ADNP2: variants seen among roughly 807,000 people sequenced by gnomAD.
ADNP2 encodes activity-dependent neuroprotector homeobox protein 2.
Under a neutral mutation model 16.4 loss-of-function variants are expected in ADNP2, and 8 were observed. The observed-to-expected ratio is 0.49, with a 90% CI of 0.29 to 0.88. The LOEUF (loss-of-function observed/expected upper bound fraction) is 0.88, where lower values mean the gene tolerates loss of function less well. ADNP2 is among the 40% of genes least tolerant of loss of function. The pLI is 0.09. For synonymous variants in ADNP2, 637 were observed against 545.8 expected, an observed-to-expected ratio of 1.17 and a Z score of -2.33; for missense variants, 1,397 against 1,395.1, an observed-to-expected ratio of 1.00 and a Z score of -0.02.
At chr18:80,119,647 AAAGT>A (rs1042240029) in intron 2 of ADNP2, among the ~76,000 whole-genome samples, 46 of 152,316 alleles carry the variant, frequency 3.0e-4, no homozygotes, top group African/African-American at 9.6e-5. Context: ...CTGGCTGAGA[AAAGT>A]AAGCCCTAGG....
chr18:80,113,960 GGGGA>G (rs1472285302), intron 1 of ADNP2, among the ~76,000 whole-genome samples: 3 of 152,040 alleles, frequency 2.0e-5, no homozygotes, highest in Non-Finnish European at 2.9e-5. Flanking sequence ...AGAGGCTGAC[GGGGA>G]GGATTGCTTG....
Position 80,136,704 on chromosome 18 carries a change from C to T in ADNP2, c.1291C>T (p.Gln431Ter). The change falls in exon 4 of 4, where the codon CAG (glutamine) becomes TAG (stop). Residue 431 changes from glutamine to a stop codon, truncating the protein, a stop_gained. Transcript: ENST00000262198. LOFTEE classifies it low-confidence loss of function (END_TRUNC). ...VSPSVTPGVL[Q>*]AVSPGVLSVS... ...CCCCTCTGTCACCCCTGGGGTCCTG[C>T]AGGCTGTCTCGCCAGGGGTGCTTTC... 6.2e-7 allele frequency: 1 copy of T among 1,613,322 alleles called. No individual in the cohort carries two copies.
chr18:80,122,784 T>C (rs1239499889), intron 2 of ADNP2, among the ~76,000 whole-genome samples: 1 of 152,260 alleles, frequency 6.6e-6, no homozygotes, highest in Non-Finnish European at 1.5e-5. Context: ...ACTTCTATTT[T>C]TCAGTTACGA....
chr18:80,119,518 G>A (rs1012450661), intron 2 of ADNP2, among the ~76,000 whole-genome samples: 5 of 152,096 alleles, frequency 3.3e-5, no homozygotes, highest in Non-Finnish European at 7.4e-5. Flanking sequence ...GCCTTGCTCT[G>A]TATTTCAGAT....
At chr18:80,122,146 C>G (rs1398866318) in intron 2 of ADNP2, among the ~76,000 whole-genome samples, 3 of 152,068 alleles carry the variant, frequency 2.0e-5, no homozygotes, top group Non-Finnish European at 1.5e-5. Flanking sequence ...TCTTGAACTC[C>G]CAACCTCAAG....
chr18:80,139,081 G>A lies in ADNP2; in HGVS notation c.*272G>A. On this transcript the variant is annotated 3_prime_UTR_variant, in exon 4 of 4. Transcript: ENST00000262198. ...TAAATGAAATCTTTTGATATTTCATGCACGCCTTGTTTTCCCACTAGTGTC... is the reference window on the plus strand; with the variant it reads ...TAAATGAAATCTTTTGATATTTCATACACGCCTTGTTTTCCCACTAGTGTC... The A allele has an allele frequency of 3.2e-6, 1 of 311,130 alleles. No individual in the cohort carries two copies. Among genetic ancestry groups the A allele is most frequent in the Non-Finnish European group, 5.8e-6 (1 of 171,900 alleles). 19.3% of individuals were successfully genotyped at this position (311,130 alleles called of 1,614,324 possible). A position where few individuals can be genotyped will look rare whatever the true frequency, so the allele number is the denominator to read the frequency against.
intron 2 of ADNP2, among the ~76,000 whole-genome samples, chr18:80,118,163 G>A (rs185007896): frequency 1.3e-5 from 2 of 152,268 alleles, no homozygotes; most frequent in East Asian, 1.9e-4. Context: ...GGTGGCTCAC[G>A]CCTGTAATCT....
At position 80,109,343 on chromosome 18, in the gene ADNP2, G is replaced by C. The variant is rs1375786936; in HGVS notation, c.-143G>C. ...GGGGTGGGCGCGCGCTGAGGCGGGG[G>C]TCCCGCCGCGCGGGGCGGAGGCGCG... On this transcript the variant is annotated 5_prime_UTR_variant, in exon 1 of 4. Coordinates refer to ENST00000262198, the MANE Select transcript of ADNP2 (RefSeq NM_014913.4). 1.3e-5 allele frequency: 2 copies of C among 150,078 alleles called. No homozygotes were observed. Among genetic ancestry groups the C allele is most frequent in the African/African-American group, 4.9e-5 (2 of 41,188 alleles). 9.3% of individuals were successfully genotyped at this position (150,078 alleles called of 1,614,324 possible). A position where few individuals can be genotyped will look rare whatever the true frequency, so the allele number is the denominator to read the frequency against.
chr18:80,119,150 G>C (rs879827427), intron 2 of ADNP2, among the ~76,000 whole-genome samples: 1 of 152,136 alleles, frequency 6.6e-6, no homozygotes, highest in Non-Finnish European at 1.5e-5. Flanking sequence ...TGCACCAGCT[G>C]TTGTTTCTTT....
chr18:80,137,020 A>G lies in ADNP2; in HGVS notation c.1607A>G (p.Gln536Arg), dbSNP rs1213347298. The G allele has an allele frequency of 5.6e-6, 9 of 1,613,982 alleles. No homozygotes were observed. The highest frequency in any genetic ancestry group is 7.6e-6 in the Non-Finnish European group (9 of 1,180,036). The part of the protein sequence containing the change: ...VSSSAVVPVN[Q>R]GVNSGVLQLS... ...TCCTCAGCTGTTGTGCCTGTAAACC[A>G]GGGTGTGAATTCTGGTGTTCTGCAG... Residue 536 changes from glutamine (Q) to arginine (R), a missense_variant, in exon 4 of 4, where the codon CAG (glutamine) becomes CGG (arginine). By Grantham distance (43) the Gln-to-Arg change is conservative (BLOSUM62 1). Around this residue, in one of 3 missense-constraint regions of ADNP2, gnomAD observed 777 missense variants for 719.4 expected, o/e 1.08. Transcript: ENST00000262198. The surrounding 1 kb of genome is among the most constrained non-coding windows in gnomAD (Gnocchi z 4.2).
chr18:80,135,184 C>A (rs906692302), intron 3 of ADNP2, among the ~76,000 whole-genome samples: 16 of 152,106 alleles, frequency 1.1e-4, no homozygotes, highest in African/African-American at 3.6e-4. Context: ...GAGTTGTGAG[C>A]CAAATCCTAT....
In ADNP2 at chr18:80,137,447, C is replaced by G. The variant is rs1396250571; in HGVS notation, c.2034C>G (p.Ser678=). Residue 678 remains serine, a synonymous_variant, in exon 4 of 4, where the codon TCC becomes TCG. Coordinates refer to ENST00000262198, the MANE Select transcript of ADNP2 (RefSeq NM_014913.4). The surrounding 1 kb of genome is among the most constrained non-coding windows in gnomAD (Gnocchi z 4.2). ...AGAGCGTGTTTGTTCAGGCCTCCTC[C>G]TCTGCAGCAGACACAAACCAGGTGC... The part of the protein sequence containing the change: ...AAQSVFVQAS[S]SAADTNQVLK... 3 of 1,614,116 alleles carry G rather than the reference C, an allele frequency of 1.9e-6. No homozygotes were observed. The African/African-American group carries it at 4.0e-5, about 22-fold the overall frequency.
intron 2 of ADNP2, among the ~76,000 whole-genome samples, chr18:80,125,648 AAAAAT>A (rs2052453560): frequency 6.6e-6 from 1 of 151,980 alleles, no homozygotes; most frequent in African/African-American, 2.4e-5. Context: ...GTCTCAAAAA[AAAAAT>A]AAAAAAAAAT....
At chr18:80,116,736 G>A (rs994150673) in intron 1 of ADNP2, among the ~76,000 whole-genome samples, 1 of 152,198 alleles carries the variant, frequency 6.6e-6, no homozygotes, top group African/African-American at 2.4e-5. Flanking sequence ...CCTGGGCTCG[G>A]GTGATCCCCT....
Position 80,137,793 on chromosome 18 carries a change from C to T in ADNP2, c.2380C>T (p.Leu794=). The T allele has an allele frequency of 1.2e-6, 2 of 1,614,176 alleles. No homozygotes were observed. The highest frequency in any genetic ancestry group is 8.5e-7 in the Non-Finnish European group (1 of 1,180,032). Residue 794 remains leucine, a synonymous_variant, in exon 4 of 4, where the codon CTG becomes TTG. Coordinates refer to ENST00000262198, the MANE Select transcript of ADNP2 (RefSeq NM_014913.4). The surrounding 1 kb of genome is among the most constrained non-coding windows in gnomAD (Gnocchi z 4.2). ...GLSEHSRNRH[L]GKKKLPMDYS... ...TTCAGAGCACAGCAGGAATAGGCACCTGGGGAAGAAGAAGTTGCCTATGGA... is the reference window on the plus strand; with the variant it reads ...TTCAGAGCACAGCAGGAATAGGCACTTGGGGAAGAAGAAGTTGCCTATGGA...
chr18:80,135,561 G>A, intron 3 of ADNP2, 51 bp from the exon 4 acceptor site: 1 of 1,492,998 alleles, frequency 6.7e-7, no homozygotes, highest in South Asian at 1.3e-5. Flanking sequence ...TGGAAGGTTA[G>A]CATCTGACAG....
At position 80,117,635 on chromosome 18, in the gene ADNP2, C is replaced by T; in HGVS notation, c.93C>T (p.Cys31=). 2 of 1,604,506 alleles carry T rather than the reference C, an allele frequency of 1.2e-6. No individual in the cohort carries two copies. The highest frequency in any genetic ancestry group is 1.7e-6 in the Non-Finnish European group (2 of 1,176,802). ...GILVDIGLDS[C]KELLKDLKGF... Reference sequence around the variant, plus strand: ...TTGTGGATATTGGGCTTGACAGCTGCAAGGAGTTACTGAAGGTAAGAGGAC... The same window carrying T: ...TTGTGGATATTGGGCTTGACAGCTGTAAGGAGTTACTGAAGGTAAGAGGAC... Residue 31 remains cysteine, a synonymous_variant, in exon 2 of 4, where the codon TGC becomes TGT. Transcript: ENST00000262198.
At chr18:80,114,819 C>T (rs961363956) in intron 1 of ADNP2, among the ~76,000 whole-genome samples, 3 of 152,068 alleles carry the variant, frequency 2.0e-5, no homozygotes, top group Admixed American at 6.5e-5. Flanking sequence ...GGTGACTTGA[C>T]AGCTAGGGCT....
At chr18:80,132,733 CTCTT>C (rs879283636) in intron 2 of ADNP2, among the ~76,000 whole-genome samples, 2 of 149,494 alleles carry the variant, frequency 1.3e-5, no homozygotes, top group African/African-American at 2.5e-5. Context: ...CTCTCTCTCT[CTCTT>C]TCTTCTTTTC....
Sources: gnomAD v4.1 joint callset for allele counts (sites outside exome capture counted in the v4.1 genomes callset) on GRCh38, gnomAD v4.1.1 for gene constraint, gnomAD v4.1.1 regional missense constraint, Gnocchi (gnomAD v3.1) non-coding constraint, MANE v1.5 for transcripts, NCBI Gene and HGNC (gene_info 2026-07-23, HGNC 2026-07-21) for gene names.